The following ZSWIM5 variants were observed in gnomAD, a reference collection of about 807,000 sequenced individuals.
The protein encoded by ZSWIM5 is zinc finger SWIM-type containing 5.
Under a neutral mutation model 119.6 loss-of-function variants are expected in ZSWIM5, and 55 were observed. The observed-to-expected ratio is 0.46, with a 90% CI of 0.37 to 0.58. The LOEUF is 0.58. ZSWIM5 is among the 20% of genes least tolerant of loss of function. The probability of loss-of-function intolerance (pLI) is 0.00; values close to 1 mark genes in which losing one functional copy is unlikely to be tolerated. For missense variants in ZSWIM5, 1,193 were observed against 1,512.8 expected (o/e 0.79, Z 3.51); for synonymous variants, 537 against 606.9 (o/e 0.88, Z 1.69).
At chr1:45,037,997 GT>G (rs906004795) in intron 8 of ZSWIM5, among the ~76,000 whole-genome samples, 59 of 152,278 alleles carry the variant, frequency 3.9e-4, no homozygotes, top group African/African-American at 1.4e-3. Flanking sequence ...CATAATTTCT[GT>G]TTTCAAGTAG....
At chr1:45,092,541 C>CCCCG (rs1553193661) in intron 1 of ZSWIM5, among the ~76,000 whole-genome samples, 1 of 89,044 alleles carries the variant, frequency 1.1e-5, no homozygotes, top group Non-Finnish European at 2.7e-5. Context: ...GTGATCCACC[C>CCCCG]CCCCCCCCCC....
rs546104381 is a variant in ZSWIM5, at chr1:45,164,962, A to G, written c.595+40794T>C. Among the ~76,000 whole-genome samples the G allele has an allele frequency of 4.6e-3, 697 of 152,214 alleles. 10 individuals carry two copies. The highest frequency in any genetic ancestry group is 0.016 in the African/African-American group (656 of 41,544). ...AATTGAACTCAGCTCTGCACCAAGC[A>G]GACCTAATAGACATCTACAGAACTC... On this transcript the variant is annotated intron_variant, in intron 1 of 13. Coordinates refer to ENST00000359600, the MANE Select transcript of ZSWIM5 (RefSeq NM_020883.2).
At position 45,036,157 on chromosome 1, in the gene ZSWIM5, G is replaced by C. The variant is rs763792864; in HGVS notation, c.2037C>G (p.Leu679=). 1 of 1,614,076 alleles carries C rather than the reference G, an allele frequency of 6.2e-7. No individual in the cohort carries two copies. Among genetic ancestry groups the C allele is most frequent in the South Asian group, 1.1e-5 (1 of 91,078 alleles). ...TACGGCATACCTTGTCCTGTGCGTA[G>C]AGGCCTTCAGGCATTAACCTCTGTT... The part of the protein sequence containing the change: ...LGQQRLMPEG[L]YAQDKVCRNE... The change falls in exon 9 of 14, where the codon CTC becomes CTG. Residue 679 remains leucine (L), a synonymous_variant. Coordinates refer to ENST00000359600, the MANE Select transcript of ZSWIM5 (RefSeq NM_020883.2).
At chr1:45,073,486 T>G (rs1570060522) in intron 2 of ZSWIM5, among the ~76,000 whole-genome samples, 1 of 151,750 alleles carries the variant, frequency 6.6e-6, no homozygotes, top group African/African-American at 2.4e-5. Context: ...CTCAAACTCC[T>G]GACCTTAGGT....
chr1:45,166,653 C>A (rs1645905927), intron 1 of ZSWIM5, among the ~76,000 whole-genome samples: 1 of 152,118 alleles, frequency 6.6e-6, no homozygotes, highest in African/African-American at 2.4e-5. Context: ...GTGCAAAAAT[C>A]ACAAGCATTC....
chr1:45,134,315 A>G (rs1310571647), intron 1 of ZSWIM5, among the ~76,000 whole-genome samples: 1 of 152,172 alleles, frequency 6.6e-6, no homozygotes, highest in Non-Finnish European at 1.5e-5. Context: ...TTACATTAAT[A>G]TAAATAAATA....
At chr1:45,079,550 A>G (rs763413545) in intron 2 of ZSWIM5, among the ~76,000 whole-genome samples, 4 of 152,126 alleles carry the variant, frequency 2.6e-5, no homozygotes, top group African/African-American at 9.7e-5. Flanking sequence ...AGGTCTAGAA[A>G]AGCCATCCAA....
chr1:45,143,188 A>AAAG (rs1402033206), intron 1 of ZSWIM5, among the ~76,000 whole-genome samples: 5 of 150,958 alleles, frequency 3.3e-5, no homozygotes, highest in East Asian at 1.9e-4. Context: ...AAAAAAAAAA[A>AAAG]AAGAAGAAGA....
chr1:45,082,486 T>C (rs1645299636), intron 2 of ZSWIM5, among the ~76,000 whole-genome samples: 1 of 152,248 alleles, frequency 6.6e-6, no homozygotes, highest in African/African-American at 2.4e-5. Context: ...GCTAGACATG[T>C]TGGAACTCAG....
At position 45,088,371 on chromosome 1, in the gene ZSWIM5, C is replaced by T; in HGVS notation, c.596-134G>A. On this transcript the variant is annotated intron_variant, in intron 1 of 13. Transcript: ENST00000359600. This position sits in a 1 kb window ranked among gnomAD's most constrained non-coding sequence, Gnocchi z 4.2. ...TACACACGTACATGATAGGCTTTGC[C>T]ACAGACACAGAGGTCAATGAAATTC... 1.6e-6 allele frequency: 1 copy of T among 635,392 alleles called. No individual in the cohort carries two copies. The highest frequency in any genetic ancestry group is 2.6e-6 in the Non-Finnish European group (1 of 380,556). The allele number at this position is 635,392 out of a possible 1,614,324, so 39.4% of individuals were successfully genotyped here. A position where few individuals can be genotyped will look rare whatever the true frequency, so the allele number is the denominator to read the frequency against.
At chr1:45,046,885 G>A (rs548368234) in intron 5 of ZSWIM5, among the ~76,000 whole-genome samples, 3 of 151,714 alleles carry the variant, frequency 2.0e-5, no homozygotes, top group Non-Finnish European at 2.9e-5. Context: ...TTAGTCAGGC[G>A]TGGTGGTGGG....
chr1:45,130,790 A>T (rs1645651653), intron 1 of ZSWIM5, among the ~76,000 whole-genome samples: 1 of 152,232 alleles, frequency 6.6e-6, no homozygotes, highest in South Asian at 2.1e-4. Flanking sequence ...AAGCAGCTTT[A>T]TTCATAATTC....
intron 1 of ZSWIM5, among the ~76,000 whole-genome samples, chr1:45,163,880 A>T (rs1427578769): frequency 2.0e-5 from 3 of 152,214 alleles, no homozygotes; most frequent in Admixed American, 2.0e-4. Flanking sequence ...AATGGAACCA[A>T]GTTGGAAAAC....
intron 1 of ZSWIM5, among the ~76,000 whole-genome samples, chr1:45,160,989 A>ATTTTT (rs534599856): frequency 1.6e-5 from 2 of 122,670 alleles, no homozygotes; most frequent in African/African-American, 3.0e-5. Context: ...GCCCGGCTAA[A>ATTTTT]TTTTTTTTTT....
chr1:45,020,858 A>T, intron 11 of ZSWIM5, 70 bp from the exon 12 acceptor site: 1 of 1,521,566 alleles, frequency 6.6e-7, no homozygotes, highest in Non-Finnish European at 8.9e-7. Flanking sequence ...ACTGCAATAG[A>T]TACTCATTGA....
chr1:45,165,085 A>G (rs1460585803), intron 1 of ZSWIM5, among the ~76,000 whole-genome samples: 2 of 152,130 alleles, frequency 1.3e-5, no homozygotes, highest in African/African-American at 4.8e-5. Flanking sequence ...TCCTCAGCAA[A>G]TGTAAAAGAA....
At chr1:45,197,744 C>G (rs1312538667) in intron 1 of ZSWIM5, among the ~76,000 whole-genome samples, 1 of 152,122 alleles carries the variant, frequency 6.6e-6, no homozygotes, top group Non-Finnish European at 1.5e-5. Context: ...TACTAACTTG[C>G]TATAACATAT....
chr1:45,180,230 G>A lies in ZSWIM5; in HGVS notation c.595+25526C>T, dbSNP rs927898109. Among the ~76,000 whole-genome samples the A allele has an allele frequency of 5.3e-5, 8 of 152,146 alleles. No individual in the cohort carries two copies. The South Asian group carries it at 8.3e-4, about 16-fold the overall frequency. ...CTGGAAAATCGGGCCACTCCCACCC[G>A]AATACTGCGCTTTTCCGACGGGCTT... On this transcript the variant is annotated intron_variant, in intron 1 of 13. Coordinates refer to ENST00000359600, the MANE Select transcript of ZSWIM5 (RefSeq NM_020883.2).
chr1:45,079,408 T>C (rs776439571), intron 2 of ZSWIM5, among the ~76,000 whole-genome samples: 27 of 152,158 alleles, frequency 1.8e-4, no homozygotes, highest in African/African-American at 5.6e-4. Context: ...ATGGCCACCA[T>C]TGCCACAGGC....
Sources: gnomAD v4.1 joint callset for allele counts (sites outside exome capture counted in the v4.1 genomes callset) on GRCh38, gnomAD v4.1.1 for gene constraint, Gnocchi (gnomAD v3.1) non-coding constraint, MANE v1.5 for transcripts, NCBI Gene and HGNC (gene_info 2026-07-23, HGNC 2026-07-21) for gene names.